Variants in LIM2 observed in about 807,000 individuals in gnomAD.
LIM2 encodes lens fiber membrane intrinsic protein.
A neutral mutation model predicts 19.0 loss-of-function variants in LIM2; 14 were observed. That is an observed-to-expected ratio of 0.74 (90% confidence interval 0.49 to 1.15). The LOEUF is 1.15. LIM2 is among the 50% of genes most tolerant of loss of function. The probability of loss-of-function intolerance (pLI) is 0.00; values close to 1 mark genes in which losing one functional copy is unlikely to be tolerated. For missense variants in LIM2, 230 were observed against 243.5 expected (o/e 0.94, Z 0.37); for synonymous variants, 78 against 89.6 (o/e 0.87, Z 0.73).
intron 2 of LIM2, among the ~76,000 whole-genome samples, chr19:51,386,186 C>T (rs1398005236): frequency 2.0e-5 from 3 of 151,132 alleles, no homozygotes; most frequent in Admixed American, 6.6e-5. Flanking sequence ...TGCAGTGGTG[C>T]CATCTGGGCC....
At chr19:51,386,834 A>G in intron 2 of LIM2, among the ~76,000 whole-genome samples, 1 of 151,844 alleles carries the variant, frequency 6.6e-6, no homozygotes, top group East Asian at 1.9e-4. Flanking sequence ...AGCAAGCAAT[A>G]TACTATATAT....
chr19:51,383,821 C>G (rs1986963590), intron 2 of LIM2, among the ~76,000 whole-genome samples: 1 of 152,188 alleles, frequency 6.6e-6, no homozygotes, highest in Non-Finnish European at 1.5e-5. Context: ...GGCCCACGCT[C>G]CTAACTGCTT....
chr19:51,386,607 T>A (rs970619815), intron 2 of LIM2, among the ~76,000 whole-genome samples: 1 of 148,604 alleles, frequency 6.7e-6, no homozygotes, highest in Non-Finnish European at 1.5e-5. Context: ...ATATATTACA[T>A]GTGCATTACT....
chr19:51,387,398 T>G lies in LIM2; in HGVS notation c.46A>C (p.Thr16Pro). The change falls in exon 2 of 5, where the codon ACC becomes CCC. Residue 16 changes from threonine (T) to proline (P), a missense_variant. Coordinates refer to ENST00000596399, the MANE Select transcript of LIM2 (RefSeq NM_001161748.2). ...GCCATGGCCACCACCAGGAGGATGG[T>G]CCCCACCCAGGCACAGAACAGGCCA... ...GGGLFCAWVG[T>P]ILLVVAMATD... 1 of 1,613,980 alleles carries G rather than the reference T, an allele frequency of 6.2e-7. No homozygotes were observed. Among genetic ancestry groups the G allele is most frequent in the Non-Finnish European group, 8.5e-7 (1 of 1,180,002 alleles).
chr19:51,382,273 GT>G (rs1986913954), intron 3 of LIM2, 144 bp downstream of exon 3: 2 of 869,396 alleles, frequency 2.3e-6, no homozygotes, highest in African/African-American at 1.7e-5. Flanking sequence ...CATGAGGTTG[GT>G]TTTGAGTGTG....
At chr19:51,382,896 A>G (rs1433927921) in intron 2 of LIM2, among the ~76,000 whole-genome samples, 2 of 151,068 alleles carry the variant, frequency 1.3e-5, no homozygotes, top group Non-Finnish European at 2.9e-5. Context: ...TGTCATAAAC[A>G]CCCCCACCAC....
At chr19:51,382,715 G>T (rs1488751849) in intron 2 of LIM2, 148 bp from the exon 3 acceptor site, 2 of 1,068,480 alleles carry the variant, frequency 1.9e-6, no homozygotes, top group African/African-American at 1.6e-5. Context: ...TTCTTCACCT[G>T]GCAAACTCCT....
chr19:51,387,133 G>C, intron 2 of LIM2, 136 bp downstream of exon 2: 1 of 1,538,264 alleles, frequency 6.5e-7, no homozygotes, highest in South Asian at 1.1e-5. Flanking sequence ...CCCCCTCCAT[G>C]CTGAGTGACC....
intron 2 of LIM2, among the ~76,000 whole-genome samples, chr19:51,386,611 C>T (rs926563781): frequency 1.4e-5 from 2 of 147,718 alleles, no homozygotes; most frequent in African/African-American, 4.9e-5. Flanking sequence ...ATTACATGTG[C>T]ATTACTTATA....
intron 2 of LIM2, among the ~76,000 whole-genome samples, chr19:51,385,821 C>T (rs2123672924): frequency 1.3e-5 from 2 of 152,340 alleles, no homozygotes; most frequent in Middle Eastern, 3.4e-3. Context: ...TCCTGCCTCT[C>T]TCTCAGGGCT....
intron 2 of LIM2, among the ~76,000 whole-genome samples, chr19:51,386,820 A>G (rs1987065136): frequency 6.6e-6 from 1 of 151,814 alleles, no homozygotes. Context: ...TATAGATGCT[A>G]TGCAGCAAGC....
intron 1 of LIM2, 22 bp from the exon 2 acceptor site, chr19:51,387,471 G>A: frequency 6.2e-7 from 1 of 1,612,612 alleles, no homozygotes; most frequent in Non-Finnish European, 8.5e-7. Flanking sequence ...GGGAGAGATG[G>A]GATTGGGAGC....
In LIM2 at chr19:51,382,402, G is replaced by C. The variant is rs1477345750; in HGVS notation, c.325+16C>G. ...GAGAGCGAGGAGAGGGGTAGGGAGA[G>C]GGTGGGCTTACTCACTTGAGGAAAA... is the stretch of plus-strand genomic sequence containing the variant. On this transcript the variant is annotated intron_variant, in intron 3 of 4. Coordinates refer to ENST00000596399, the MANE Select transcript of LIM2 (RefSeq NM_001161748.2). 3 of 1,613,448 alleles carry C rather than the reference G, an allele frequency of 1.9e-6. No homozygotes were observed. The highest frequency in any genetic ancestry group is 1.7e-6 in the Non-Finnish European group (2 of 1,179,874).
Position 51,387,312 on chromosome 19 carries a change from C to G in LIM2, c.132G>C (p.Arg44=). 1 of 1,614,146 alleles carries G rather than the reference C, an allele frequency of 6.2e-7. No individual in the cohort carries two copies. The highest frequency in any genetic ancestry group is 8.5e-7 in the Non-Finnish European group (1 of 1,180,044). Residue 44 remains arginine (R), a synonymous_variant, in exon 2 of 5, where the codon CGG becomes CGC. Transcript: ENST00000596399. ...SGSFAHQGLW[R]YCLGNKCYLQ... ...GGTAGCACTTGTTGCCCAGGCAGTA[C>G]CGCCACAGGCCCTGGTGGGCGAAGG...
At chr19:51,383,517 T>C (rs1599862118) in intron 2 of LIM2, among the ~76,000 whole-genome samples, 1 of 152,160 alleles carries the variant, frequency 6.6e-6, no homozygotes, top group Non-Finnish European at 1.5e-5. Flanking sequence ...AGGTGCCCAA[T>C]AAATGCGTGA....
chr19:51,381,525 T>C (rs1986892079), intron 3 of LIM2, among the ~76,000 whole-genome samples: 1 of 152,116 alleles, frequency 6.6e-6, no homozygotes, highest in South Asian at 2.1e-4. Flanking sequence ...GGTGAAAACA[T>C]CTGTGTGCTG....
chr19:51,386,996 A>C (rs1987073450), intron 2 of LIM2: 2 of 702,082 alleles, frequency 2.8e-6, no homozygotes, highest in African/African-American at 3.5e-5. Flanking sequence ...CTGTTTCGTG[A>C]CACTAGCCCC....
chr19:51,381,732 G>A (rs1986896813), intron 3 of LIM2, among the ~76,000 whole-genome samples: 1 of 152,018 alleles, frequency 6.6e-6, no homozygotes, highest in South Asian at 2.1e-4. Context: ...TATTGTTGTT[G>A]TTGTTTTTGT....
intron 2 of LIM2, 126 bp from the exon 3 acceptor site, chr19:51,382,693 G>A (rs1986928489): frequency 3.1e-5 from 40 of 1,284,568 alleles, no homozygotes; most frequent in Non-Finnish European, 4.3e-5. Context: ...TCCCTTCTTT[G>A]CAAATGCCCT....
Sources: allele counts gnomAD v4.1 joint callset (sites outside exome capture counted in the v4.1 genomes callset), GRCh38; gene constraint gnomAD v4.1.1; transcripts MANE v1.5; gene names NCBI Gene and HGNC (gene_info 2026-07-23, HGNC 2026-07-21).